GRM7: variants seen among roughly 807,000 people sequenced by gnomAD.
GRM7 encodes metabotropic glutamate receptor 7.
In GRM7, 35 loss-of-function variants were observed where a neutral mutation model predicts 84.5. The ratio of observed to expected loss-of-function variants is 0.41; its 90% CI spans 0.32 to 0.55. GRM7 has a LOEUF of 0.55. GRM7 is among the 20% of genes least tolerant of loss of function. The pLI, the probability that GRM7 is intolerant of heterozygous loss-of-function variation, is 0.19. For missense variants in GRM7, 1,003 were observed against 1,194.6 expected (o/e 0.84, Z 2.36); for synonymous variants, 487 against 455.1 (o/e 1.07, Z -0.89).
chr3:7,400,962 A>AT (rs761583663), intron 4 of GRM7, among the ~76,000 whole-genome samples: 39 of 150,130 alleles, frequency 2.6e-4, no homozygotes, highest in African/African-American at 6.8e-4. Context: ...AATCATTTAA[A>AT]TTTTTTTTTT....
intron 4 of GRM7, among the ~76,000 whole-genome samples, chr3:7,374,627 C>T (rs1229029081): frequency 3.3e-5 from 5 of 151,002 alleles, no homozygotes; most frequent in East Asian, 2.0e-4. Context: ...TACAGGTGCC[C>T]GCCACCATAC....
At chr3:7,407,557 C>T (rs1695735817) in intron 4 of GRM7, among the ~76,000 whole-genome samples, 1 of 152,128 alleles carries the variant, frequency 6.6e-6, no homozygotes, top group Non-Finnish European at 1.5e-5. Flanking sequence ...ATCCTTCATA[C>T]TGAAAATTTT....
intron 2 of GRM7, among the ~76,000 whole-genome samples, chr3:7,200,226 C>A (rs990409686): frequency 9.2e-5 from 14 of 152,160 alleles, no homozygotes; most frequent in Admixed American, 2.6e-4. Flanking sequence ...ATACAAACAC[C>A]TCCCACTAGG....
At chr3:7,021,999 T>C (rs1284384470) in intron 1 of GRM7, among the ~76,000 whole-genome samples, 1 of 152,068 alleles carries the variant, frequency 6.6e-6, no homozygotes, top group Non-Finnish European at 1.5e-5. Flanking sequence ...CCAAATATGA[T>C]ATAAAAGAAG....
intron 9 of GRM7, among the ~76,000 whole-genome samples, chr3:7,709,419 G>A (rs922708640): frequency 2.6e-5 from 4 of 152,120 alleles, no homozygotes; most frequent in African/African-American, 7.2e-5. Flanking sequence ...GTTTACTGGG[G>A]CAGGACTAAT....
At chr3:7,682,371 A>C (rs1338887185) in intron 9 of GRM7, 2 of 151,868 alleles carry the variant, frequency 1.3e-5, no homozygotes, top group Admixed American at 1.3e-4. Context: ...AAGAAAAAAA[A>C]GAGAAGAATT....
chr3:7,308,657 G>C (rs1009529477), intron 4 of GRM7, among the ~76,000 whole-genome samples: 5 of 152,142 alleles, frequency 3.3e-5, no homozygotes, highest in African/African-American at 1.2e-4. Flanking sequence ...TGTGATTGTG[G>C]TGGCATTGGA....
intron 4 of GRM7, among the ~76,000 whole-genome samples, chr3:7,340,359 A>G (rs1323048587): frequency 6.6e-6 from 1 of 152,164 alleles, no homozygotes; most frequent in Non-Finnish European, 1.5e-5. Context: ...GGAAACTTAC[A>G]ATCATGGCAG....
chr3:7,198,874 C>T (rs11928468), intron 2 of GRM7, among the ~76,000 whole-genome samples: 8,100 of 152,062 alleles, frequency 0.053, 592 homozygotes, highest in African/African-American at 0.17. Flanking sequence ...AAGTTTACTC[C>T]TCAAAAGGGT....
intron 8 of GRM7, among the ~76,000 whole-genome samples, chr3:7,604,869 T>C (rs1696487754): frequency 6.6e-6 from 1 of 152,196 alleles, no homozygotes; most frequent in African/African-American, 2.4e-5. Context: ...CATTTCAGTT[T>C]ACAACAACAG....
At chr3:7,128,384 C>T (rs1044858042) in intron 1 of GRM7, among the ~76,000 whole-genome samples, 5 of 151,676 alleles carry the variant, frequency 3.3e-5, no homozygotes, top group South Asian at 2.1e-4. Flanking sequence ...CATTGCCTCA[C>T]GATGAAAGGT....
chr3:7,229,421 G>C (rs899618657), intron 2 of GRM7, among the ~76,000 whole-genome samples: 3 of 151,882 alleles, frequency 2.0e-5, no homozygotes, highest in Admixed American at 6.6e-5. Context: ...TTAAGTAACA[G>C]GTCCAACGCC....
At chr3:6,944,385 G>T (rs928054493) in intron 1 of GRM7, among the ~76,000 whole-genome samples, 1 of 152,018 alleles carries the variant, frequency 6.6e-6, no homozygotes, top group Admixed American at 6.6e-5. Context: ...TTTTTATCAG[G>T]AATGGATGTT....
intron 1 of GRM7, among the ~76,000 whole-genome samples, chr3:7,129,496 T>C (rs976730257): frequency 2.6e-5 from 4 of 152,248 alleles, no homozygotes; most frequent in Non-Finnish European, 5.9e-5. Flanking sequence ...TTCTTGCAAC[T>C]ACGTGTGATT....
At chr3:7,042,073 T>C (rs1473474794) in intron 1 of GRM7, among the ~76,000 whole-genome samples, 2 of 152,166 alleles carry the variant, frequency 1.3e-5, no homozygotes, top group African/African-American at 2.4e-5. Flanking sequence ...GCCCTATGCA[T>C]CTCTTGATCT....
intron 4 of GRM7, among the ~76,000 whole-genome samples, chr3:7,333,553 C>A (rs1701292765): frequency 6.6e-6 from 1 of 152,124 alleles, no homozygotes; most frequent in Admixed American, 6.6e-5. Context: ...GGTAATATGA[C>A]AAAATGAGGT....
chr3:7,367,996 T>C (rs1266600266), intron 4 of GRM7, among the ~76,000 whole-genome samples: 1 of 108,706 alleles, frequency 9.2e-6, no homozygotes, highest in Non-Finnish European at 2.0e-5. Context: ...CAATGAAAAA[T>C]ACAATGATAC....
At chr3:7,003,533 A>T (rs981099971) in intron 1 of GRM7, among the ~76,000 whole-genome samples, 1 of 152,174 alleles carries the variant, frequency 6.6e-6, no homozygotes, top group African/African-American at 2.4e-5. Flanking sequence ...AGATGATGAG[A>T]TGCTGCTGGT....
chr3:6,907,640 A>G (rs1170662262), intron 1 of GRM7, among the ~76,000 whole-genome samples: 1 of 152,160 alleles, frequency 6.6e-6, no homozygotes, highest in Non-Finnish European at 1.5e-5. Context: ...CATGATAAAG[A>G]GTGGAGGTAG....
Sources: allele counts gnomAD v4.1 joint callset (sites outside exome capture counted in the v4.1 genomes callset), GRCh38; gene constraint gnomAD v4.1.1; transcripts MANE v1.5; gene names NCBI Gene and HGNC (gene_info 2026-07-23, HGNC 2026-07-21).